The following TAMM41 variants were observed in gnomAD, a reference collection of about 807,000 sequenced individuals.
The protein encoded by TAMM41 is phosphatidate cytidylyltransferase, mitochondrial.
In TAMM41, 36 loss-of-function variants were observed where a neutral mutation model predicts 44.1. That is an observed-to-expected ratio of 0.82 (90% CI 0.63 to 1.08). The LOEUF (loss-of-function observed/expected upper bound fraction) is 1.08. Among genes scored for constraint, TAMM41 ranks in the 50% least tolerant of loss-of-function variants. The probability of loss-of-function intolerance (pLI) is 0.00; values close to 1 mark genes in which losing one functional copy is unlikely to be tolerated. For missense variants in TAMM41, 417 were observed against 404.3 expected, an observed-to-expected ratio of 1.03 and a Z score of -0.27; for synonymous variants, 164 against 153.1, an observed-to-expected ratio of 1.07 and a Z score of -0.53.
At chr3:11,801,417 T>C (rs1382356405) in intron 7 of TAMM41, among the ~76,000 whole-genome samples, 4 of 152,026 alleles carry the variant, frequency 2.6e-5, no homozygotes. Flanking sequence ...TCAAACTCCT[T>C]TGGCTCAAGT....
At chr3:11,763,038 CA>C in the TAMM41 span, among the ~76,000 whole-genome samples, 2 of 151,942 alleles carry the variant, frequency 1.3e-5, no homozygotes, top group Non-Finnish European at 2.9e-5. Context: ...AACTCTGTCT[CA>C]AAAAAAATAA....
intron 7 of TAMM41, among the ~76,000 whole-genome samples, chr3:11,800,387 AC>A (rs760016435): frequency 1.3e-5 from 2 of 152,164 alleles, no homozygotes; most frequent in Admixed American, 6.5e-5. Context: ...GATTAAAAAA[AC>A]ATAATCCACC....
the TAMM41 span, among the ~76,000 whole-genome samples, chr3:11,770,383 C>T: frequency 2.0e-5 from 3 of 152,212 alleles, no homozygotes; most frequent in Admixed American, 2.0e-4. Flanking sequence ...CTGCACCTCT[C>T]TGTCCAAGCC....
At chr3:11,747,881 AT>A in the TAMM41 span, among the ~76,000 whole-genome samples, 2,706 of 133,442 alleles carry the variant, frequency 0.02, 34 homozygotes, top group South Asian at 0.046. Context: ...TTATTTATTT[AT>A]TTTTTTTTTT....
At chr3:11,766,166 T>C in the TAMM41 span, among the ~76,000 whole-genome samples, 1 of 152,142 alleles carries the variant, frequency 6.6e-6, no homozygotes, top group Non-Finnish European at 1.5e-5. Context: ...ATTCTTTTTT[T>C]GTTGTTGGTT....
Position 11,813,913 on chromosome 3 carries a change from T to C in TAMM41, c.708+3279A>G, listed in dbSNP as rs907769562. ...ATGTGTATATATGTATATATGTGTG[T>C]ATATATGTATATATGTGTGTATATA... On this transcript the variant is annotated intron_variant, in intron 5 of 7. Coordinates refer to ENST00000455809, the MANE Select transcript of TAMM41 (RefSeq NM_001284401.2). Among the ~76,000 whole-genome samples the C allele has an allele frequency of 8.6e-5, 13 of 150,936 alleles. No homozygotes were observed. In the East Asian group the frequency reaches 2.5e-3, roughly 30 times the overall value.
Position 11,822,101 on chromosome 3 carries a change from C to T in TAMM41, c.563-4764G>A, listed in dbSNP as rs571506594. 3.3e-5 allele frequency among the ~76,000 whole-genome samples: 5 copies of T among 152,170 alleles called. No individual in the cohort carries two copies. In the East Asian group the frequency reaches 5.8e-4, roughly 18 times the overall value. On this transcript the variant is annotated intron_variant, in intron 4 of 7. Transcript: ENST00000455809. ...CAAACATACCAAAATCTGAAAAATT[C>T]CAAAATCTAAAATACTTCTGGCCCC...
chr3:11,791,569 T>C (rs1335228166), intron 7 of TAMM41, among the ~76,000 whole-genome samples: 1 of 152,110 alleles, frequency 6.6e-6, no homozygotes, highest in Non-Finnish European at 1.5e-5. Context: ...ATCTGTGCTA[T>C]GAGTGTAAAG....
intron 4 of TAMM41, among the ~76,000 whole-genome samples, chr3:11,818,067 C>T (rs2078352987): frequency 2.0e-5 from 3 of 152,350 alleles, no homozygotes; most frequent in Admixed American, 2.0e-4. Flanking sequence ...AGTGGACACA[C>T]TTAAGTGCAT....
the TAMM41 span, among the ~76,000 whole-genome samples, chr3:11,746,304 A>T: frequency 3.0e-5 from 4 of 132,364 alleles, no homozygotes; most frequent in East Asian, 7.8e-4. Flanking sequence ...ACTCTCTCAA[A>T]AAAAAAAAAA....
chr3:11,734,543 A>C, the TAMM41 span, among the ~76,000 whole-genome samples: 3 of 151,986 alleles, frequency 2.0e-5, no homozygotes, highest in Admixed American at 1.3e-4. Context: ...GGTGTAATTC[A>C]CTCCTCTATT....
the TAMM41 span, among the ~76,000 whole-genome samples, chr3:11,737,634 T>C: frequency 6.6e-6 from 1 of 152,210 alleles, no homozygotes; most frequent in Non-Finnish European, 1.5e-5. Context: ...TACATTATTT[T>C]TGTTATCATG....
At chr3:11,753,817 G>T in the TAMM41 span, among the ~76,000 whole-genome samples, 59 of 152,162 alleles carry the variant, frequency 3.9e-4, no homozygotes, top group African/African-American at 1.4e-3. Flanking sequence ...GAGTGTGCTT[G>T]GTGCACCCCA....
At chr3:11,751,343 CGGCCCCCCAAAGAGCTG>C in the TAMM41 span, among the ~76,000 whole-genome samples, 1 of 152,118 alleles carries the variant, frequency 6.6e-6, no homozygotes, top group African/African-American at 2.4e-5. Context: ...CTGCCCGCCT[CGGCCCCCCAAAGAGCTG>C]GGATTACAGG....
chr3:11,846,552 C>A lies in TAMM41; in HGVS notation c.85G>T (p.Val29Phe). The A allele has an allele frequency of 6.2e-7, 1 of 1,614,228 alleles. No homozygotes were observed. The highest frequency in any genetic ancestry group is 8.5e-7 in the Non-Finnish European group (1 of 1,180,046). ...HFPEELSLAF[V>F]YGSGVYRQAG... The stretch of plus-strand genomic sequence containing the variant: ...TGGCGGTACACCCCGGAGCCGTAGA[C>A]GAAAGCCAGACTCAGCTCCTCGGGG... Residue 29 changes from valine to phenylalanine, a missense_variant, in exon 1 of 8, where the codon GTC becomes TTC. By Grantham distance (50) the Val-to-Phe change is conservative. Coordinates refer to ENST00000455809, the MANE Select transcript of TAMM41 (RefSeq NM_001284401.2).
rs1441395950 is a variant in TAMM41 at position 11,807,649 on chromosome 3, G to C, written c.937+184C>G. On this transcript the variant is annotated intron_variant, in intron 7 of 7. Transcript: ENST00000455809. ...ACAGCACTGCCAATGGTCTGACATT[G>C]TTCGACCACCAGGTTCTGCTGCTGT... 4 of 1,536,300 alleles carry C rather than the reference G, an allele frequency of 2.6e-6. No homozygotes were observed. The East Asian group carries it at 9.8e-5, about 38-fold the overall frequency.
chr3:11,786,313 A>T (rs28740875), downstream of TAMM41, among the ~76,000 whole-genome samples: 201 of 125,836 alleles, frequency 1.6e-3, 1 homozygote, highest in African/African-American at 5.4e-3. Flanking sequence ...TATTATTATT[A>T]TTATTTTTTG....
the TAMM41 span, among the ~76,000 whole-genome samples, chr3:11,756,865 CAAAAAAA>C: frequency 9.9e-5 from 13 of 131,522 alleles, no homozygotes; most frequent in East Asian, 2.2e-4. Flanking sequence ...AATTCCGTCT[CAAAAAAA>C]AAAAAAAGAA....
the TAMM41 span, among the ~76,000 whole-genome samples, chr3:11,744,407 A>G: frequency 1.3e-5 from 2 of 151,898 alleles, no homozygotes; most frequent in Non-Finnish European, 1.5e-5. Flanking sequence ...TTAAAAGTTA[A>G]TGGCAGCCGG....
Sources: gnomAD v4.1 joint callset for allele counts (sites outside exome capture counted in the v4.1 genomes callset) on GRCh38, gnomAD v4.1.1 for gene constraint, MANE v1.5 for transcripts, NCBI Gene and HGNC (gene_info 2026-07-23, HGNC 2026-07-21) for gene names.